Variants in PTPRJ observed in about 807,000 individuals in gnomAD.
PTPRJ encodes receptor-type tyrosine-protein phosphatase eta.
Under a neutral mutation model 141.3 loss-of-function variants are expected in PTPRJ, and 129 were observed. The observed-to-expected ratio is 0.91, with a 90% CI of 0.79 to 1.06. PTPRJ has a LOEUF of 1.06. Ranked by LOEUF, PTPRJ falls within the 50% of genes least tolerant of loss-of-function variation. The pLI, the probability that PTPRJ is intolerant of heterozygous loss-of-function variation, is 0.00. For missense variants in PTPRJ, 1,601 were observed against 1,679.7 expected (o/e 0.95, Z 0.82); for synonymous variants, 610 against 640.5 (o/e 0.95, Z 0.72).
chr11:48,018,588 A>G (rs1289851548), intron 1 of PTPRJ, among the ~76,000 whole-genome samples: 1 of 152,246 alleles, frequency 6.6e-6, no homozygotes, highest in African/African-American at 2.4e-5. Flanking sequence ...AAAAATATAA[A>G]TACAGTCTTT....
At chr11:48,162,867 T>G (rs1430372348) in intron 22 of PTPRJ, among the ~76,000 whole-genome samples, 2 of 152,122 alleles carry the variant, frequency 1.3e-5, no homozygotes, top group African/African-American at 4.8e-5. Flanking sequence ...AATGGATGGT[T>G]TTTTGGGGGA....
intron 1 of PTPRJ, among the ~76,000 whole-genome samples, chr11:48,032,516 G>A (rs1034719579): frequency 3.3e-5 from 5 of 152,002 alleles, no homozygotes; most frequent in Non-Finnish European, 5.9e-5. Flanking sequence ...CACTTTGGGA[G>A]GTGGAGGCAG....
In PTPRJ at chr11:48,096,786, G is replaced by A. The variant is rs550621743; in HGVS notation, c.97-13272G>A. On this transcript the variant is annotated intron_variant, in intron 1 of 24. Transcript: ENST00000418331. The stretch of plus-strand genomic sequence containing the variant: ...TTTGGAGAGGGTTTTGAGTCACCTC[G>A]AGAGCTGATAAGAACAGAGGCCCAG... 6 of 69,374 alleles carry A rather than the reference G, an allele frequency of 8.6e-5. No homozygotes were observed. The South Asian group carries it at 2.0e-3, about 24-fold the overall frequency. The allele number at this position is 69,374 out of a possible 1,614,324, so 4.3% of individuals were successfully genotyped here.
chr11:48,145,488 T>C (rs760603336), intron 14 of PTPRJ, among the ~76,000 whole-genome samples: 1 of 152,208 alleles, frequency 6.6e-6, no homozygotes, highest in Non-Finnish European at 1.5e-5. Context: ...ATAAATTGTC[T>C]TGTTCAATCC....
chr11:47,990,980 A>T (rs1256411024), intron 1 of PTPRJ, among the ~76,000 whole-genome samples: 2 of 151,812 alleles, frequency 1.3e-5, no homozygotes, highest in Non-Finnish European at 2.9e-5. Flanking sequence ...TGACCGGCGG[A>T]AAGTGTTGGG....
At chr11:48,029,559 ATTG>A (rs1453049205) in intron 1 of PTPRJ, among the ~76,000 whole-genome samples, 2 of 152,152 alleles carry the variant, frequency 1.3e-5, no homozygotes, top group South Asian at 2.1e-4. Context: ...AACTCATATT[ATTG>A]TTATTTTTTA....
intron 1 of PTPRJ, among the ~76,000 whole-genome samples, chr11:48,064,294 T>C (rs896318151): frequency 6.6e-6 from 1 of 152,192 alleles, no homozygotes; most frequent in Non-Finnish European, 1.5e-5. Context: ...CCTGGCTTTG[T>C]CATGGCCCTT....
intron 1 of PTPRJ, among the ~76,000 whole-genome samples, chr11:48,013,040 G>T: frequency 6.8e-6 from 1 of 146,398 alleles, no homozygotes; most frequent in East Asian, 2.1e-4. Context: ...GGTGGGGGAA[G>T]TTGCAGTGGG....
chr11:48,088,552 G>T (rs990999358), intron 1 of PTPRJ, among the ~76,000 whole-genome samples: 7 of 152,176 alleles, frequency 4.6e-5, no homozygotes, highest in African/African-American at 1.7e-4. Context: ...GATTGTCCTT[G>T]AGACTTGGGC....
chr11:48,084,575 C>T (rs1855646802), intron 1 of PTPRJ, among the ~76,000 whole-genome samples: 1 of 152,172 alleles, frequency 6.6e-6, no homozygotes. Flanking sequence ...TTGGCTGACA[C>T]AGCTGAGTTC....
At chr11:48,150,031 G>A (rs915248114) in intron 17 of PTPRJ, 33 bp downstream of exon 17, 2 of 1,518,136 alleles carry the variant, frequency 1.3e-6, no homozygotes, top group Admixed American at 1.8e-5. Context: ...TTAATAACTT[G>A]TACTTTTCTA....
chr11:47,981,158 C>T, intron 1 of PTPRJ, 150 bp downstream of exon 1: 3 of 829,184 alleles, frequency 3.6e-6, no homozygotes, highest in Non-Finnish European at 4.7e-6. Context: ...TTGCGGGGAC[C>T]CCGGCCGGCC....
chr11:48,030,368 A>G (rs1565266180), intron 1 of PTPRJ, among the ~76,000 whole-genome samples: 1 of 152,218 alleles, frequency 6.6e-6, no homozygotes, highest in Non-Finnish European at 1.5e-5. Context: ...CCAGGCTGTC[A>G]TATTCTACCT....
chr11:48,066,393 A>G (rs1855082745), intron 1 of PTPRJ, among the ~76,000 whole-genome samples: 1 of 151,886 alleles, frequency 6.6e-6, no homozygotes, highest in African/African-American at 2.4e-5. Context: ...GGTCCCCGCC[A>G]TTGCTCTGCA....
chr11:48,131,103 A>C (rs1406096630), intron 8 of PTPRJ, among the ~76,000 whole-genome samples: 1 of 96,190 alleles, frequency 1.0e-5, no homozygotes, highest in Non-Finnish European at 1.9e-5. Flanking sequence ...TTTTTGAGAC[A>C]GTCTTACCCT....
intron 21 of PTPRJ, among the ~76,000 whole-genome samples, chr11:48,157,164 T>G: frequency 6.6e-6 from 1 of 152,052 alleles, no homozygotes; most frequent in African/African-American, 2.4e-5. Flanking sequence ...ACTTTTTGTA[T>G]TTTTAGTAGA....
intron 3 of PTPRJ, among the ~76,000 whole-genome samples, chr11:48,119,286 A>C (rs971824765): frequency 1.3e-5 from 2 of 152,232 alleles, no homozygotes; most frequent in Non-Finnish European, 2.9e-5. Context: ...CTTTATAAAG[A>C]GGAAATTCAA....
intron 22 of PTPRJ, among the ~76,000 whole-genome samples, chr11:48,160,285 T>C (rs1250446301): frequency 1.3e-5 from 2 of 152,210 alleles, no homozygotes; most frequent in African/African-American, 4.8e-5. Flanking sequence ...ATAAAATGAA[T>C]CTTAAGAGCA....
chr11:48,076,161 C>T (rs1340652588), intron 1 of PTPRJ, among the ~76,000 whole-genome samples: 4 of 152,176 alleles, frequency 2.6e-5, no homozygotes, highest in Non-Finnish European at 5.9e-5. Context: ...TTTATGTTCT[C>T]AGTGCCTTAC....
Sources: allele counts gnomAD v4.1 joint callset (sites outside exome capture counted in the v4.1 genomes callset), GRCh38; gene constraint gnomAD v4.1.1; transcripts MANE v1.5; gene names NCBI Gene and HGNC (gene_info 2026-07-23, HGNC 2026-07-21).